SPP1: variants seen among roughly 807,000 people sequenced by gnomAD.
SPP1 encodes the protein secreted phosphoprotein 1.
SPP1 carries 18 observed loss-of-function variants against 20.8 expected under a neutral mutation model. That is an observed-to-expected ratio of 0.87 (90% CI 0.60 to 1.29). SPP1 has a LOEUF of 1.29. Ranked by LOEUF, SPP1 falls within the 50% of genes most tolerant of loss-of-function variation. SPP1 has a pLI of 0.00. For synonymous variants in SPP1, 146 were observed against 141.5 expected, an observed-to-expected ratio of 1.03 and a Z score of -0.23; for missense variants, 363 against 389.0, an observed-to-expected ratio of 0.93 and a Z score of 0.56.
rs1725692898 is a variant in SPP1 at position 87,982,585 on chromosome 4, A to G, written c.634A>G (p.Asn212Asp). The change falls in exon 7 of 7, where the codon AAC (asparagine) becomes GAC (aspartate). Residue 212 changes from asparagine to aspartate, a missense_variant. Coordinates refer to ENST00000395080, the MANE Select transcript of SPP1 (RefSeq NM_001040058.2). The part of the protein sequence containing the change: ...YKAIPVAQDL[N>D]APSDWDSRGK... ...GGCCATCCCCGTTGCCCAGGACCTGAACGCGCCTTCTGATTGGGACAGCCG... is the reference window on the plus strand; with the variant it reads ...GGCCATCCCCGTTGCCCAGGACCTGGACGCGCCTTCTGATTGGGACAGCCG... 6 of 1,614,142 alleles carry G rather than the reference A, an allele frequency of 3.7e-6. No homozygotes were observed. Among genetic ancestry groups the G allele is most frequent in the Non-Finnish European group, 5.1e-6 (6 of 1,180,020 alleles).
Position 87,982,880 on chromosome 4 carries a change from C to T in SPP1, c.929C>T (p.Ser310Phe). 1 of 1,600,742 alleles carries T rather than the reference C, an allele frequency of 6.2e-7. No individual in the cohort carries two copies. Among genetic ancestry groups the T allele is most frequent in the Non-Finnish European group, 8.5e-7 (1 of 1,173,554 alleles). The change falls in exon 7 of 7, where the codon TCT (serine) becomes TTT (phenylalanine). Residue 310 changes from serine to phenylalanine, a missense_variant. Ser to Phe is a radical substitution (Grantham distance 155). Transcript: ENST00000395080. ...FRISHELDSA[S>F]SEVN ...ATTTCTCATGAATTAGATAGTGCAT[C>T]TTCTGAGGTCAATTAAAAGGAGAAA...
rs191220721 is a variant in SPP1, at chr4:87,978,625, A to G, written c.94-1421A>G. On this transcript the variant is annotated intron_variant, in intron 3 of 6. Transcript: ENST00000395080. The stretch of plus-strand genomic sequence containing the variant: ...TCTCCATCTCCTGACCTCGTGATCC[A>G]CCCTCCTTGGCCTCCCAAAGTGCTG... 7.0e-3 allele frequency among the ~76,000 whole-genome samples: 1,056 copies of G among 151,574 alleles called. 10 individuals are homozygous for G. The highest frequency in any genetic ancestry group is 0.023 in the African/African-American group (955 of 41,298).
At chr4:87,977,725 A>AT (rs1390554444) in intron 3 of SPP1, 1 of 1,279,186 alleles carries the variant, frequency 7.8e-7, no homozygotes, top group Non-Finnish European at 1.0e-6. Context: ...ACAAATGGGC[A>AT]TTGTCCCCAG....
chr4:87,978,589 A>G (rs558217669), intron 3 of SPP1, among the ~76,000 whole-genome samples: 22 of 151,920 alleles, frequency 1.4e-4, no homozygotes, highest in Non-Finnish European at 2.9e-4. Context: ...TCACCGTGTT[A>G]GCCAGGATGG....
intron 3 of SPP1, among the ~76,000 whole-genome samples, chr4:87,978,386 T>G (rs1235506105): frequency 6.9e-6 from 1 of 144,668 alleles, no homozygotes; most frequent in Admixed American, 6.9e-5. Flanking sequence ...TTTTTCCGCC[T>G]TCTTTTTTTT....
In SPP1 at chr4:87,977,096, A is replaced by G; in HGVS notation, c.92A>G (p.Gln31Arg). ...GATTCTGGAAGTTCTGAGGAAAAGC[A>G]GGTAAGCATCTTTTATGTTTTTATA... Reference protein sequence around the residue: ...QADSGSSEEKQLYNKYPDAVA... With the variant: ...QADSGSSEEKRLYNKYPDAVA... The change falls in exon 3 of 7, where the codon CAG becomes CGG. Residue 31 changes from glutamine (Q) to arginine (R), a missense_variant and splice_region_variant. Coordinates refer to ENST00000395080, the MANE Select transcript of SPP1 (RefSeq NM_001040058.2). 6.2e-7 allele frequency: 1 copy of G among 1,613,378 alleles called. No individual in the cohort carries two copies. Among genetic ancestry groups the G allele is most frequent in the Non-Finnish European group, 8.5e-7 (1 of 1,179,858 alleles).
intron 3 of SPP1, chr4:87,977,806 T>G (rs780060557): frequency 7.8e-7 from 1 of 1,282,116 alleles, no homozygotes; most frequent in Non-Finnish European, 1.0e-6. Flanking sequence ...AGAGCTGCCT[T>G]GGGGGTCACT....
At chr4:87,980,483 A>G in intron 5 of SPP1, 49 bp downstream of exon 5, 2 of 1,591,760 alleles carry the variant, frequency 1.3e-6, no homozygotes, top group Non-Finnish European at 1.7e-6. Context: ...GAAGAGATGA[A>G]AGAAGGCATT....
At chr4:87,976,219 C>T (rs1725371740) in intron 1 of SPP1, among the ~76,000 whole-genome samples, 1 of 152,098 alleles carries the variant, frequency 6.6e-6, no homozygotes. Flanking sequence ...GAAGAAAACC[C>T]TTTCTGAATA....
chr4:87,977,788 G>C (rs1482973574), intron 3 of SPP1: 2 of 1,286,064 alleles, frequency 1.6e-6, no homozygotes, highest in Non-Finnish European at 1.0e-6. Context: ...CAGAATAAAG[G>C]CCAAAATAGA....
intron 3 of SPP1, 39 bp from the exon 4 acceptor site, chr4:87,980,007 T>C: frequency 6.2e-7 from 1 of 1,600,674 alleles, no homozygotes; most frequent in Non-Finnish European, 8.6e-7. Flanking sequence ...TCCCTACATT[T>C]CTTTTTTTAA....
Position 87,976,911 on chromosome 4 carries a change from A to G in SPP1, c.16A>G (p.Ile6Val), listed in dbSNP as rs772950607. The part of the protein sequence containing the change: MRIAV[I>V]CFCLLGITCA... ...ACTCACTACCATGAGAATTGCAGTG[A>G]TTTGCTTTTGCCTCCTAGGCATCAC... The change falls in exon 2 of 7, where the codon ATT becomes GTT. Residue 6 changes from isoleucine (I) to valine (V), a missense_variant. Coordinates refer to ENST00000395080, the MANE Select transcript of SPP1 (RefSeq NM_001040058.2). 7.4e-6 allele frequency: 12 copies of G among 1,613,590 alleles called. No homozygotes were observed. The highest frequency in any genetic ancestry group is 1.0e-5 in the Non-Finnish European group (12 of 1,179,504).
At position 87,980,447 on chromosome 4, in the gene SPP1, T is replaced by C; in HGVS notation, c.216+13T>C. ...CTTTAAACAAGAGGTAAGTTCTCAT[T>C]TTCAATCAGAGGCCCATCATGCCTT... On this transcript the variant is annotated intron_variant, in intron 5 of 6. Transcript: ENST00000395080. 6.2e-7 allele frequency: 1 copy of C among 1,613,790 alleles called. No individual in the cohort carries two copies. Among genetic ancestry groups the C allele is most frequent in the South Asian group, 1.1e-5 (1 of 90,936 alleles).
Position 87,982,744 on chromosome 4 carries a change from G to C in SPP1, c.793G>C (p.Glu265Gln). ...GCATTCCGATGTGATTGATAGTCAG[G>C]AACTTTCCAAAGTCAGCCGTGAATT... is the stretch of plus-strand genomic sequence containing the variant. ...NEHSDVIDSQ[E>Q]LSKVSREFHS... The change falls in exon 7 of 7, where the codon GAA becomes CAA. Residue 265 changes from glutamate to glutamine, a missense_variant. Transcript: ENST00000395080. 6.2e-7 allele frequency: 1 copy of C among 1,614,064 alleles called. No homozygotes were observed. Among genetic ancestry groups the C allele is most frequent in the Non-Finnish European group, 8.5e-7 (1 of 1,180,016 alleles).
intron 3 of SPP1, 149 bp downstream of exon 3, chr4:87,977,246 G>A (rs1330654907): frequency 1.0e-5 from 8 of 790,470 alleles, no homozygotes; most frequent in East Asian, 2.7e-5. Flanking sequence ...ATGAATCTAG[G>A]CCAGTACCAA....
intron 3 of SPP1, among the ~76,000 whole-genome samples, chr4:87,979,576 A>G (rs368968582): frequency 1.3e-5 from 2 of 152,180 alleles, no homozygotes; most frequent in Non-Finnish European, 2.9e-5. Flanking sequence ...ACTGGACACA[A>G]TGAAGATTAA....
rs748363328 is a variant in SPP1 at position 87,976,887 on chromosome 4, C to G, written c.-9C>G. The G allele has an allele frequency of 4.3e-6, 7 of 1,611,792 alleles. No homozygotes were observed. Among genetic ancestry groups the G allele is most frequent in the Non-Finnish European group, 8.5e-7 (1 of 1,178,150 alleles). On this transcript the variant is annotated 5_prime_UTR_variant, in exon 2 of 7. Coordinates refer to ENST00000395080, the MANE Select transcript of SPP1 (RefSeq NM_001040058.2). ...CCTTATGAAATATTTTGCAGGAAAA[C>G]TCACTACCATGAGAATTGCAGTGAT...
chr4:87,979,161 CTTTTTTT>C (rs10596032), intron 3 of SPP1, among the ~76,000 whole-genome samples: 2 of 107,256 alleles, frequency 1.9e-5, no homozygotes, highest in African/African-American at 3.8e-5. Context: ...TTTTTATCTT[CTTTTTTT>C]TTTTTTTTTT....
chr4:87,977,864 G>A (rs1038860087), intron 3 of SPP1: 3 of 1,231,380 alleles, frequency 2.4e-6, no homozygotes, highest in African/African-American at 1.5e-5. Context: ...TTCTGTGTTC[G>A]TTTGTGTGTG....
Sources: gnomAD v4.1 joint callset for allele counts (sites outside exome capture counted in the v4.1 genomes callset) on GRCh38, gnomAD v4.1.1 for gene constraint, MANE v1.5 for transcripts, NCBI Gene and HGNC (gene_info 2026-07-23, HGNC 2026-07-21) for gene names.